Variants in PPIP5K2 observed in about 807,000 individuals in gnomAD.
PPIP5K2 encodes inositol hexakisphosphate and diphosphoinositol-pentakisphosphate kinase 2.
A neutral mutation model predicts 154.6 loss-of-function variants in PPIP5K2; 105 were observed. The ratio of observed to expected loss-of-function variants is 0.68; its 90% confidence interval spans 0.58 to 0.80. PPIP5K2 has a LOEUF of 0.80. Among genes scored for constraint, PPIP5K2 ranks in the 30% least tolerant of loss-of-function variants. PPIP5K2 has a pLI of 0.00. For synonymous variants in PPIP5K2, 480 were observed against 490.3 expected (o/e 0.98, Z 0.28); for missense variants, 992 against 1,504.6 (o/e 0.66, Z 5.64).
chr5:103,180,259 A>G (rs1437778235), intron 24 of PPIP5K2, 71 bp downstream of exon 24: 2 of 1,303,660 alleles, frequency 1.5e-6, no homozygotes, highest in East Asian at 5.8e-5. Flanking sequence ...AGAAAAGAAA[A>G]TACAGCTTTA....
intron 28 of PPIP5K2, among the ~76,000 whole-genome samples, chr5:103,190,119 G>C (rs565483930): frequency 6.6e-6 from 1 of 151,870 alleles, no homozygotes; most frequent in Non-Finnish European, 1.5e-5. Context: ...AAGTGCTTTT[G>C]TTTCACTGAT....
At chr5:103,155,822 A>G in intron 13 of PPIP5K2, 87 bp from the exon 14 acceptor site, 1 of 830,108 alleles carries the variant, frequency 1.2e-6, no homozygotes, top group Non-Finnish European at 2.0e-6. Flanking sequence ...AGAATTAAAC[A>G]GGCGGTTACA....
At chr5:103,193,874 C>T (rs1321727098) in intron 29 of PPIP5K2, among the ~76,000 whole-genome samples, 2 of 152,080 alleles carry the variant, frequency 1.3e-5, no homozygotes, top group East Asian at 3.9e-4. Flanking sequence ...CCTGTCCTTG[C>T]CCAGAGGATT....
At chr5:103,171,000 A>T (rs1554219415) in intron 19 of PPIP5K2, among the ~76,000 whole-genome samples, 1 of 151,568 alleles carries the variant, frequency 6.6e-6, no homozygotes, top group Non-Finnish European at 1.5e-5. Flanking sequence ...GTTCTGGTGT[A>T]CTTCAAAATG....
At chr5:103,161,347 T>G (rs1364252109) in intron 17 of PPIP5K2, among the ~76,000 whole-genome samples, 7 of 152,226 alleles carry the variant, frequency 4.6e-5, no homozygotes, top group African/African-American at 1.7e-4. Flanking sequence ...ATTTTCTTAA[T>G]CTAGTCTATC....
chr5:103,142,454 C>G (rs1554207386), intron 5 of PPIP5K2, among the ~76,000 whole-genome samples: 1 of 152,220 alleles, frequency 6.6e-6, no homozygotes, highest in Non-Finnish European at 1.5e-5. Context: ...GGAGTGGGCT[C>G]CAGCCTTGGC....
At position 103,168,102 on chromosome 5, in the gene PPIP5K2, A is replaced by C; in HGVS notation, c.2093A>C (p.Glu698Ala). ...CAGCTTTACCATAGTGAAACATTGG[A>C]GCTTATGCTACGTAGATGGTCCAAG... ...DIQLYHSETLELMLRRWSKLE... is the reference protein window; with the variant it reads ...DIQLYHSETLALMLRRWSKLE... The change falls in exon 19 of 31, where the codon GAG becomes GCG. Residue 698 changes from glutamate to alanine, a missense_variant. Physicochemically the swap from Glu to Ala is moderately radical, Grantham distance 107. This residue lies in a region of PPIP5K2 where 157 missense variants were observed against 281.2 expected (regional missense o/e 0.56). Transcript: ENST00000358359. The C allele has an allele frequency of 6.2e-7, 1 of 1,608,538 alleles. No homozygotes were observed. The highest frequency in any genetic ancestry group is 8.5e-7 in the Non-Finnish European group (1 of 1,176,610).
At chr5:103,195,186 A>G (rs978084462) in intron 30 of PPIP5K2, among the ~76,000 whole-genome samples, 161 bp downstream of exon 30, 3 of 152,172 alleles carry the variant, frequency 2.0e-5, no homozygotes, top group East Asian at 3.8e-4. Context: ...CAATTGATAT[A>G]TATTTGTTTT....
At chr5:103,159,032 TA>T (rs1554214723) in intron 16 of PPIP5K2, 113 bp from the exon 17 acceptor site, 51 of 735,182 alleles carry the variant, frequency 6.9e-5, no homozygotes, top group Middle Eastern at 3.9e-4. Context: ...GTAGTATTAA[TA>T]AAGTTTATTT....
intron 30 of PPIP5K2, 133 bp from the exon 31 acceptor site, chr5:103,201,389 A>G (rs1490067301): frequency 1.7e-6 from 1 of 587,246 alleles, no homozygotes; most frequent in African/African-American, 1.9e-5. Flanking sequence ...AAAATGCTAT[A>G]TTAAATTTTT....
Position 103,210,024 on chromosome 5 carries a change from A to G in PPIP5K2, c.*8390A>G, listed in dbSNP as rs1019439162. 2.0e-5 allele frequency: 3 copies of G among 152,132 alleles called. No individual in the cohort carries two copies. The highest frequency in any genetic ancestry group is 7.2e-5 in the African/African-American group (3 of 41,430). 9.4% of individuals were successfully genotyped at this position (152,132 alleles called of 1,614,324 possible). A position where few individuals can be genotyped will look rare whatever the true frequency, so the allele number is the denominator to read the frequency against. On this transcript the variant is annotated 3_prime_UTR_variant, in exon 31 of 31. Transcript: ENST00000358359. ...TAACTACCACAATTTTATATAACTG[A>G]TTCTTCACTGGTCATCCAGAAGCCT... is the stretch of plus-strand genomic sequence containing the variant.
At chr5:103,160,332 G>T (rs880000237) in intron 17 of PPIP5K2, among the ~76,000 whole-genome samples, 1 of 152,012 alleles carries the variant, frequency 6.6e-6, no homozygotes, top group Non-Finnish European at 1.5e-5. Context: ...AGTTTTTTGA[G>T]CAATGTTCAT....
Position 103,158,249 on chromosome 5 carries a change from T to C in PPIP5K2, c.1551T>C (p.Pro517=). 1 of 1,614,098 alleles carries C rather than the reference T, an allele frequency of 6.2e-7. No individual in the cohort carries two copies. Among genetic ancestry groups the C allele is most frequent in the African/African-American group, 1.3e-5 (1 of 75,056 alleles). ...TAAAATGGGGAGGTGAATTAACTCC[T>C]GCAGGCAGGGTCCAGGCTGAAGAAC... is the stretch of plus-strand genomic sequence containing the variant. The part of the protein sequence containing the change: ...LVLKWGGELT[P]AGRVQAEELG... Residue 517 remains proline (P), a synonymous_variant, in exon 15 of 31, where the codon CCT becomes CCC. Transcript: ENST00000358359.
chr5:103,189,744 C>T (rs953357585), intron 28 of PPIP5K2, among the ~76,000 whole-genome samples: 2 of 152,034 alleles, frequency 1.3e-5, no homozygotes, highest in African/African-American at 4.8e-5. Context: ...TTTCCTTATT[C>T]TAACTGAGAA....
At chr5:103,131,607 A>T (rs1375034678) in intron 2 of PPIP5K2, among the ~76,000 whole-genome samples, 2 of 152,162 alleles carry the variant, frequency 1.3e-5, no homozygotes, top group Admixed American at 1.3e-4. Flanking sequence ...GCATAGTATG[A>T]TGCACTATTA....
chr5:103,173,809 G>T, intron 20 of PPIP5K2, 49 bp from the exon 21 acceptor site: 1 of 1,206,106 alleles, frequency 8.3e-7, no homozygotes. Flanking sequence ...TATTTAGTGA[G>T]TTTTTGATTA....
At chr5:103,194,729 C>T in intron 29 of PPIP5K2, 171 bp from the exon 30 acceptor site, 1 of 623,600 alleles carries the variant, frequency 1.6e-6, no homozygotes, top group African/African-American at 1.9e-5. Context: ...AAGGCCATAA[C>T]AGAACTATCT....
At chr5:103,182,517 A>G (rs1799708821) in intron 24 of PPIP5K2, among the ~76,000 whole-genome samples, 1 of 152,196 alleles carries the variant, frequency 6.6e-6, no homozygotes. Context: ...CACACAGAGA[A>G]AAAGACTGTT....
At position 103,152,762 on chromosome 5, in the gene PPIP5K2, T is replaced by G; in HGVS notation, c.1130+13T>G. 6.7e-7 allele frequency: 1 copy of G among 1,489,986 alleles called. No homozygotes were observed. The highest frequency in any genetic ancestry group is 9.3e-7 in the Non-Finnish European group (1 of 1,078,472). 92.3% of individuals were successfully genotyped at this position (1,489,986 alleles called of 1,614,324 possible). ...CATCTGGAACTATGTAAGTCTGAAT[T>G]ATTTTCATTTAGAAATTGAGTTTTC... On this transcript the variant is annotated intron_variant, in intron 10 of 30. Coordinates refer to ENST00000358359, the MANE Select transcript of PPIP5K2 (RefSeq NM_001276277.3).
Sources: allele counts gnomAD v4.1 joint callset (sites outside exome capture counted in the v4.1 genomes callset), GRCh38; gene constraint gnomAD v4.1.1; regional missense constraint gnomAD v4.1.1; transcripts MANE v1.5; gene names NCBI Gene and HGNC (gene_info 2026-07-23, HGNC 2026-07-21).